DSE: variants seen among roughly 807,000 people sequenced by gnomAD.
The protein encoded by DSE is dermatan sulfate epimerase, also known as dermatan-sulfate epimerase.
Under a neutral mutation model 84.4 loss-of-function variants are expected in DSE, and 36 were observed. The observed-to-expected ratio is 0.43, with a 90% CI of 0.33 to 0.56. The LOEUF (loss-of-function observed/expected upper bound fraction) is 0.56, where lower values mean the gene tolerates loss of function less well. DSE is among the 20% of genes least tolerant of loss of function. DSE has a pLI of 0.06. For missense variants in DSE, 862 were observed against 1,169.6 expected (o/e 0.74, Z 3.84); for synonymous variants, 410 against 430.1 (o/e 0.95, Z 0.58).
rs1046247850 is a variant in DSE, at chr6:116,391,542, G to A, written c.-53-7656G>A. 7.2e-5 allele frequency among the ~76,000 whole-genome samples: 11 copies of A among 152,114 alleles called. 3 individuals are homozygous for A. The highest frequency in any genetic ancestry group is 4.6e-4 in the Admixed American group (7 of 15,272). ...AGCACTTAGGGAGGCTGAGGCGGGC[G>A]GATCACGAGGTCAGGAGATCGAGAC... On this transcript the variant is annotated intron_variant, in intron 1 of 5. Transcript: ENST00000644252.
chr6:116,345,373 G>C (rs61023165), intron 2 of DSE, among the ~76,000 whole-genome samples: 3,405 of 152,236 alleles, frequency 0.022, 128 homozygotes, highest in African/African-American at 0.077. Context: ...TGGAAGTAAA[G>C]CACTCCTCAG....
rs755878469 is a variant in DSE, at chr6:116,272,313, A to G, written c.-54+13346A>G. ...TATACTTTATTAAAGAAAACAACAAATACCAAGTATCTATTAAAACATCTT... is the reference window on the plus strand; with the variant it reads ...TATACTTTATTAAAGAAAACAACAAGTACCAAGTATCTATTAAAACATCTT... On this transcript the variant is annotated intron_variant, in intron 2 of 3. Coordinates refer to the DSE transcript ENST00000430252. Among the ~76,000 whole-genome samples, 3 of 152,368 alleles carry G rather than the reference A, an allele frequency of 2.0e-5. No homozygotes were observed. In the South Asian group the frequency reaches 6.2e-4, roughly 32 times the overall value.
intron 2 of DSE, among the ~76,000 whole-genome samples, chr6:116,318,125 G>T (rs1776094963): frequency 6.6e-6 from 1 of 152,166 alleles, no homozygotes; most frequent in African/African-American, 2.4e-5. Context: ...ACATGCTGAG[G>T]CATTCGACAT....
At chr6:116,279,112 T>C in intron 2 of DSE, 1 of 1,614,166 alleles carries the variant, frequency 6.2e-7, no homozygotes, top group Non-Finnish European at 8.5e-7. Flanking sequence ...ATTCACAGTG[T>C]CCAGTTCCAG....
intron 1 of DSE, among the ~76,000 whole-genome samples, chr6:116,378,037 A>G (rs1780025143): frequency 6.6e-6 from 1 of 152,174 alleles, no homozygotes; most frequent in Admixed American, 6.5e-5. Context: ...GGATTTTGGA[A>G]TCACCTGCAG....
At chr6:116,279,027 C>CCTCG in intron 2 of DSE, 2 of 1,613,932 alleles carry the variant, frequency 1.2e-6, no homozygotes, top group Non-Finnish European at 1.7e-6. Flanking sequence ...TGATGTAGTT[C>CCTCG]CTCCGCTCCA....
At position 116,437,549 on chromosome 6, in the gene DSE, G is replaced by C; in HGVS notation, c.*204G>C. On this transcript the variant is annotated 3_prime_UTR_variant, in exon 6 of 6. Transcript: ENST00000644252. ...ATCAAAGCAATAGAAATAGCTTGGT[G>C]GTCCTATGGTGTTTTTGGAAGTATT... 3 of 531,952 alleles carry C rather than the reference G, an allele frequency of 5.6e-6. No homozygotes were observed. The South Asian group carries it at 8.6e-5, about 15-fold the overall frequency. 33.0% of individuals were successfully genotyped at this position (531,952 alleles called of 1,614,324 possible).
chr6:116,365,120 G>A (rs1246209324), intron 2 of DSE, among the ~76,000 whole-genome samples: 5 of 152,100 alleles, frequency 3.3e-5, no homozygotes, highest in Non-Finnish European at 5.9e-5. Context: ...TTACAGGTGT[G>A]AGCCACCTCA....
In DSE at chr6:116,399,553, T is replaced by C; in HGVS notation, c.303T>C (p.Ile101=). ...ACTACAGTGCCCGCTGGAATGAAATTTTTGGAAACAACTTGGGTGCCTTGG... is the reference window on the plus strand; with the variant it reads ...ACTACAGTGCCCGCTGGAATGAAATCTTTGGAAACAACTTGGGTGCCTTGG... ...PKDYSARWNE[I]FGNNLGALAM... is the part of the protein sequence containing the mutation. Residue 101 remains isoleucine, a synonymous_variant, in exon 2 of 6, where the codon ATT becomes ATC. Coordinates refer to ENST00000644252, the MANE Select transcript of DSE (RefSeq NM_013352.4). 6.2e-7 allele frequency: 1 copy of C among 1,614,190 alleles called. No individual in the cohort carries two copies. Among genetic ancestry groups the C allele is most frequent in the African/African-American group, 1.3e-5 (1 of 75,042 alleles).
intron 2 of DSE, among the ~76,000 whole-genome samples, chr6:116,328,320 A>AATTAAC (rs1776746386): frequency 6.6e-6 from 1 of 152,168 alleles, no homozygotes; most frequent in Non-Finnish European, 1.5e-5. Flanking sequence ...ATTTAAAACT[A>AATTAAC]ATTAACATTT....
chr6:116,348,351 T>G (rs1778113252), intron 2 of DSE, among the ~76,000 whole-genome samples: 1 of 151,100 alleles, frequency 6.6e-6, no homozygotes, highest in South Asian at 2.1e-4. Context: ...GGCGTGAACC[T>G]GGGAGACGGA....
rs191793685 is a variant in DSE at position 116,348,421 on chromosome 6, C to T, written c.-53-50777C>T. ...TAGCCTGGGCGACAGAGTGAGACTC[C>T]GTCTCAAAAAAAACAAAAAAAAACA... On this transcript the variant is annotated intron_variant, in intron 2 of 3. Transcript: ENST00000430252. Among the ~76,000 whole-genome samples the T allele has an allele frequency of 3.4e-5, 5 of 147,300 alleles. No individual in the cohort carries two copies. The East Asian group carries it at 7.8e-4, about 23-fold the overall frequency.
intron 2 of DSE, among the ~76,000 whole-genome samples, chr6:116,275,790 C>T (rs1773112998): frequency 7.3e-6 from 1 of 136,614 alleles, no homozygotes; most frequent in Admixed American, 7.0e-5. Flanking sequence ...AAGAGTGGGA[C>T]TCTATCTCAA....
intron 2 of DSE, among the ~76,000 whole-genome samples, chr6:116,301,658 T>C (rs1459401294): frequency 6.6e-6 from 1 of 152,192 alleles, no homozygotes; most frequent in East Asian, 1.9e-4. Flanking sequence ...TTTAATACTT[T>C]AAGTTCTGGG....
intron 2 of DSE, among the ~76,000 whole-genome samples, chr6:116,303,000 T>C (rs998954738): frequency 1.1e-4 from 16 of 152,184 alleles, no homozygotes; most frequent in Admixed American, 2.6e-4. Flanking sequence ...CACTGGTCTA[T>C]ATATATCTGT....
upstream of DSE, among the ~76,000 whole-genome samples, chr6:116,367,958 G>A (rs1779257428): frequency 6.6e-6 from 1 of 152,166 alleles, no homozygotes; most frequent in Admixed American, 6.5e-5. Context: ...TGAACAAAAT[G>A]AATAAACCTA....
chr6:116,391,688 C>T (rs962286477), intron 1 of DSE, among the ~76,000 whole-genome samples: 10 of 151,010 alleles, frequency 6.6e-5, no homozygotes, highest in Non-Finnish European at 1.3e-4. Context: ...TGGCATGAAC[C>T]TAGGAGGTGG....
At chr6:116,336,622 G>A (rs1777267536) in intron 2 of DSE, among the ~76,000 whole-genome samples, 1 of 152,130 alleles carries the variant, frequency 6.6e-6, no homozygotes, top group South Asian at 2.1e-4. Context: ...AGGCATGGTA[G>A]CGCATGCTTG....
upstream of DSE, chr6:116,370,310 CG>C (rs1779442187): frequency 3.7e-6 from 1 of 268,890 alleles, no homozygotes; most frequent in African/African-American, 2.3e-5. Context: ...TTGCAGGGTT[CG>C]GTGCGCTTGG....
Sources: allele counts gnomAD v4.1 joint callset (sites outside exome capture counted in the v4.1 genomes callset), GRCh38; gene constraint gnomAD v4.1.1; transcripts MANE v1.5; gene names NCBI Gene and HGNC (gene_info 2026-07-23, HGNC 2026-07-21).